ABCA9: variants seen among roughly 807,000 people sequenced by gnomAD.
ABCA9 encodes ATP-binding cassette sub-family A member 9.
A neutral mutation model predicts 205.3 loss-of-function variants in ABCA9; 183 were observed. The observed-to-expected ratio is 0.89, with a 90% confidence interval of 0.79 to 1.01. The LOEUF (loss-of-function observed/expected upper bound fraction) is 1.01, where lower values mean the gene tolerates loss of function less well. Ranked by LOEUF, ABCA9 falls within the 50% of genes least tolerant of loss-of-function variation. The probability of loss-of-function intolerance (pLI) is 0.00; values close to 1 mark genes in which losing one functional copy is unlikely to be tolerated. For synonymous variants in ABCA9, 651 were observed against 683.3 expected (o/e 0.95, Z 0.74); for missense variants, 1,805 against 1,912.4 (o/e 0.94, Z 1.05).
In ABCA9 at chr17:68,984,936, A is replaced by G. The variant is rs1179002953; in HGVS notation, c.4328T>C (p.Leu1443Pro). ...CATCCCGGTCGACGGCTCATCCAGA[A>G]GCACCACTGACGGGTTCCCCAGGAT... ...LSILGNPSVVLLDEPSTGMDP... is the reference protein window; with the variant it reads ...LSILGNPSVVPLDEPSTGMDP... Residue 1443 changes from leucine (L) to proline (P), a missense_variant, in exon 34 of 39, where the codon CTT (leucine) becomes CCT (proline). Leu to Pro is a moderately conservative substitution (Grantham distance 98, BLOSUM62 -3). Coordinates refer to ENST00000340001, the MANE Select transcript of ABCA9 (RefSeq NM_080283.4). 4 of 1,614,036 alleles carry G rather than the reference A, an allele frequency of 2.5e-6. No individual in the cohort carries two copies. Among genetic ancestry groups the G allele is most frequent in the Non-Finnish European group, 3.4e-6 (4 of 1,180,044 alleles).
At chr17:69,014,545 T>TAAAC (rs2070512461) in intron 22 of ABCA9, among the ~76,000 whole-genome samples, 1 of 152,170 alleles carries the variant, frequency 6.6e-6, no homozygotes, top group African/African-American at 2.4e-5. Flanking sequence ...TTGGGACATT[T>TAAAC]AAACATGCTA....
At chr17:68,992,368 G>T in intron 27 of ABCA9, 102 bp from the exon 28 acceptor site, 1 of 737,200 alleles carries the variant, frequency 1.4e-6, no homozygotes. Flanking sequence ...AATTCGATTT[G>T]ATAGCATTCA....
chr17:69,038,758 GA>G (rs2071430295), intron 6 of ABCA9, among the ~76,000 whole-genome samples: 1 of 152,116 alleles, frequency 6.6e-6, no homozygotes, highest in Non-Finnish European at 1.5e-5. Context: ...ATTCAAATAG[GA>G]GGAAAGGAAG....
At chr17:69,063,641 C>G (rs2072309020), upstream of ABCA9, among the ~76,000 whole-genome samples, 1 of 152,064 alleles carries the variant, frequency 6.6e-6, no homozygotes, top group Non-Finnish European at 1.5e-5. Context: ...GACGTGATCT[C>G]TGCTCACTGC....
intron 23 of ABCA9, among the ~76,000 whole-genome samples, chr17:69,010,688 G>C (rs1446140586): frequency 2.0e-5 from 3 of 152,132 alleles, no homozygotes; most frequent in African/African-American, 7.2e-5. Flanking sequence ...CTCTTGCAGT[G>C]GTTTAGGCAA....
chr17:69,000,078 C>A (rs1334846463), intron 25 of ABCA9, among the ~76,000 whole-genome samples: 3 of 151,046 alleles, frequency 2.0e-5, no homozygotes, highest in African/African-American at 7.3e-5. Flanking sequence ...TTGTAGGTTG[C>A]CTGTTCACTC....
rs1355919072 is a variant in ABCA9 at position 69,052,510 on chromosome 17, A to T, written c.-13-1371T>A. Among the ~76,000 whole-genome samples, 5 of 152,348 alleles carry T rather than the reference A, an allele frequency of 3.3e-5. No homozygotes were observed. In the South Asian group the frequency reaches 1.0e-3, roughly 32 times the overall value. On this transcript the variant is annotated intron_variant, in intron 1 of 38. Transcript: ENST00000340001. The stretch of plus-strand genomic sequence containing the variant: ...ATTAGACTAGGAATTTGAAACAACA[A>T]TGATTAAAATACTAAGGGCTTCAAT...
chr17:69,054,746 T>G (rs1371475674), intron 1 of ABCA9, among the ~76,000 whole-genome samples: 2 of 152,016 alleles, frequency 1.3e-5, no homozygotes, highest in Admixed American at 6.6e-5. Flanking sequence ...TCATATATAA[T>G]GTTCCTGTAT....
At position 69,021,676 on chromosome 17, in the gene ABCA9, TCGTC is replaced by T. The variant is rs1033446930; in HGVS notation, c.2401+62_2401+65del. 2.9e-6 allele frequency: 3 copies of T among 1,037,598 alleles called. No homozygotes were observed. In the African/African-American group the frequency reaches 6.3e-5, roughly 22 times the overall value. 64.3% of individuals were successfully genotyped at this position (1,037,598 alleles called of 1,614,324 possible). On this transcript the variant is annotated intron_variant, in intron 18 of 38. Coordinates refer to ENST00000340001, the MANE Select transcript of ABCA9 (RefSeq NM_080283.4). ...TGCACACAAAGATAAAATCTTTCTT[TCGTC>T]CTTCCTTCCTTCCTTCCTTTCTTTC...
intron 36 of ABCA9, 61 bp downstream of exon 36, chr17:68,983,648 C>G: frequency 1.3e-6 from 2 of 1,590,994 alleles, no homozygotes; most frequent in Non-Finnish European, 1.7e-6. Context: ...ATTCCGTCAT[C>G]ATAGCAGAAA....
rs1439450694 is a variant in ABCA9, at chr17:68,984,105, C to G, written c.4450G>C (p.Ala1484Pro). The change falls in exon 35 of 39, where the codon GCT becomes CCT. Residue 1484 changes from alanine (A) to proline (P), a missense_variant. Physicochemically the swap from Ala to Pro is conservative, Grantham distance 27 (BLOSUM62 -1). Coordinates refer to ENST00000340001, the MANE Select transcript of ABCA9 (RefSeq NM_080283.4). ...GCCACTCGGTCACACACCGCCTCAGCCTCTGCCATGTAGTGGGTGGTCAGG... is the reference window on the plus strand; with the variant it reads ...GCCACTCGGTCACACACCGCCTCAGGCTCTGCCATGTAGTGGGTGGTCAGG... Reference protein sequence around the residue: ...ALLTTHYMAEAEAVCDRVAIM... With the variant: ...ALLTTHYMAEPEAVCDRVAIM... 9 of 1,614,074 alleles carry G rather than the reference C, an allele frequency of 5.6e-6. No individual in the cohort carries two copies. The highest frequency in any genetic ancestry group is 6.8e-6 in the Non-Finnish European group (8 of 1,180,040).
chr17:68,984,874 TA>T lies in ABCA9; in HGVS notation c.4379+10del. ...ACACTCATGCAGAGGTTGCTCATGATAGCACCTCACCACATTTGCTGCTGCC... is the reference window on the plus strand; with the variant it reads ...ACACTCATGCAGAGGTTGCTCATGATGCACCTCACCACATTTGCTGCTGCC... On this transcript the variant is annotated intron_variant, in intron 34 of 38. Coordinates refer to ENST00000340001, the MANE Select transcript of ABCA9 (RefSeq NM_080283.4). The T allele has an allele frequency of 6.2e-7, 1 of 1,614,178 alleles. No homozygotes were observed. The highest frequency in any genetic ancestry group is 8.5e-7 in the Non-Finnish European group (1 of 1,180,040).
At chr17:69,004,061 G>T (rs1178371564) in intron 25 of ABCA9, among the ~76,000 whole-genome samples, 1 of 152,022 alleles carries the variant, frequency 6.6e-6, no homozygotes, top group Non-Finnish European at 1.5e-5. Flanking sequence ...CCTTTGGTTT[G>T]CATGTCTTCC....
At chr17:69,043,136 T>C (rs1598406377) in intron 6 of ABCA9, 1 of 177,086 alleles carries the variant, frequency 5.6e-6, no homozygotes, top group Non-Finnish European at 1.1e-5. Context: ...CTAGATCTCT[T>C]GAGTGACAGA....
At chr17:69,018,365 T>G (rs372769703) in intron 20 of ABCA9, 48 bp downstream of exon 20, 1 of 1,401,714 alleles carries the variant, frequency 7.1e-7, no homozygotes, top group African/African-American at 1.5e-5. Context: ...GGGGGGAATC[T>G]CTCAACAAGA....
chr17:68,989,188 G>C, intron 30 of ABCA9, 70 bp from the exon 31 acceptor site: 1 of 961,348 alleles, frequency 1.0e-6, no homozygotes. Flanking sequence ...TACCATTTGA[G>C]GGCTGTGTGT....
chr17:69,050,911 G>T, intron 2 of ABCA9, 120 bp downstream of exon 2: 1 of 788,256 alleles, frequency 1.3e-6, no homozygotes. Context: ...AAAAAATCTA[G>T]CTTGTTAATT....
At chr17:69,050,343 AACACACACACACACACACAC>A (rs58213498) in intron 2 of ABCA9, among the ~76,000 whole-genome samples, 1 of 147,788 alleles carries the variant, frequency 6.8e-6, no homozygotes, top group Non-Finnish European at 1.5e-5. Context: ...CACACACACG[AACACACACACACACACACAC>A]ACACACACAC....
At chr17:69,077,132 G>A in the ABCA9 span, among the ~76,000 whole-genome samples, 9 of 151,978 alleles carry the variant, frequency 5.9e-5, no homozygotes, top group African/African-American at 1.2e-4. Context: ...CTAACTTTTC[G>A]AAGTAGGTAT....
Sources: allele counts gnomAD v4.1 joint callset (sites outside exome capture counted in the v4.1 genomes callset), GRCh38; gene constraint gnomAD v4.1.1; transcripts MANE v1.5; gene names NCBI Gene and HGNC (gene_info 2026-07-23, HGNC 2026-07-21).